The following THSD7B variants were observed in gnomAD, a reference collection of about 807,000 sequenced individuals.
The protein encoded by THSD7B is thrombospondin type-1 domain-containing protein 7B.
In THSD7B, 138 loss-of-function variants were observed where a neutral mutation model predicts 213.6. The observed-to-expected ratio is 0.65, with a 90% confidence interval of 0.56 to 0.74. The LOEUF is 0.74. Ranked by LOEUF, THSD7B falls within the 30% of genes least tolerant of loss-of-function variation. THSD7B has a pLI of 0.00. For missense variants in THSD7B, 1,931 were observed against 1,991.5 expected (o/e 0.97, Z 0.58); for synonymous variants, 742 against 687.0 (o/e 1.08, Z -1.25).
chr2:137,581,784 A>T lies in THSD7B; in HGVS notation c.3423+9228A>T, dbSNP rs1033925996. On this transcript the variant is annotated intron_variant, in intron 17 of 27. Coordinates refer to ENST00000409968, the MANE Select transcript of THSD7B (RefSeq NM_001316349.2). ...CAAAAAAAAAAATAAAAAAAAAAAA[A>T]ATAATAATAAATAATAATAATAAAT... Among the ~76,000 whole-genome samples, 457 of 147,346 alleles carry T rather than the reference A, an allele frequency of 3.1e-3. 5 individuals carry two copies. Among genetic ancestry groups the T allele is most frequent in the East Asian group, 0.013 (64 of 5,120 alleles).
chr2:137,545,399 C>T (rs1055753288), intron 15 of THSD7B, among the ~76,000 whole-genome samples: 1 of 151,792 alleles, frequency 6.6e-6, no homozygotes, highest in Non-Finnish European at 1.5e-5. Context: ...TTTCTCACAG[C>T]TTCCTTAATA....
chr2:137,458,243 T>G (rs1040756316), intron 15 of THSD7B, among the ~76,000 whole-genome samples: 30 of 152,272 alleles, frequency 2.0e-4, no homozygotes, highest in African/African-American at 7.2e-4. Flanking sequence ...CGGGAAACAC[T>G]CTCACAATAA....
At chr2:137,082,901 A>G (rs548401515) in intron 3 of THSD7B, among the ~76,000 whole-genome samples, 1 of 152,248 alleles carries the variant, frequency 6.6e-6, no homozygotes, top group East Asian at 1.9e-4. Context: ...TCATTTTGAT[A>G]TAACATCACA....
intron 20 of THSD7B, among the ~76,000 whole-genome samples, chr2:137,622,535 C>T (rs111405191): frequency 0.07 from 10,711 of 151,992 alleles, 864 homozygotes; most frequent in African/African-American, 0.2. Context: ...TCAATGAATC[C>T]AGGAGCTTGT....
At chr2:137,551,483 A>G (rs1680847194) in intron 15 of THSD7B, among the ~76,000 whole-genome samples, 1 of 152,102 alleles carries the variant, frequency 6.6e-6, no homozygotes, top group Non-Finnish European at 1.5e-5. Flanking sequence ...AGGATGTGAA[A>G]TGTTCATGGG....
intron 7 of THSD7B, among the ~76,000 whole-genome samples, chr2:137,207,633 G>A (rs944065300): frequency 6.6e-6 from 1 of 152,028 alleles, no homozygotes; most frequent in Non-Finnish European, 1.5e-5. Flanking sequence ...TCATAATATG[G>A]CTAAGAGATG....
intron 15 of THSD7B, among the ~76,000 whole-genome samples, chr2:137,520,324 A>G (rs1164310942): frequency 1.3e-5 from 2 of 152,204 alleles, no homozygotes; most frequent in African/African-American, 2.4e-5. Context: ...GATGATGACA[A>G]TTTGTATAAC....
intron 15 of THSD7B, among the ~76,000 whole-genome samples, chr2:137,546,947 A>C (rs1345916846): frequency 6.6e-6 from 1 of 151,956 alleles, no homozygotes; most frequent in East Asian, 1.9e-4. Flanking sequence ...TTCTTCAGCA[A>C]TCATCTGTTT....
intron 5 of THSD7B, among the ~76,000 whole-genome samples, chr2:137,120,168 C>T (rs1688522477): frequency 6.6e-6 from 1 of 152,114 alleles, no homozygotes; most frequent in South Asian, 2.1e-4. Context: ...TATTTGATGA[C>T]AGTTCACATG....
At chr2:137,675,229 T>A (rs943278369) in intron 27 of THSD7B, among the ~76,000 whole-genome samples, 16 of 151,934 alleles carry the variant, frequency 1.1e-4, no homozygotes, top group African/African-American at 3.9e-4. Flanking sequence ...TTTGGCACGA[T>A]GAAAATGTTC....
At chr2:137,453,704 A>G (rs919946487) in intron 15 of THSD7B, among the ~76,000 whole-genome samples, 1 of 152,116 alleles carries the variant, frequency 6.6e-6, no homozygotes, top group Middle Eastern at 3.2e-3. Flanking sequence ...TATGCAATAT[A>G]TCTCAATTGA....
chr2:136,792,562 A>G (rs1040673036), intron 1 of THSD7B, among the ~76,000 whole-genome samples: 7 of 152,008 alleles, frequency 4.6e-5, no homozygotes, highest in Admixed American at 1.3e-4. Context: ...GATTGTGACA[A>G]ATGTACCACT....
At chr2:137,050,525 G>C (rs936644967) in intron 2 of THSD7B, among the ~76,000 whole-genome samples, 2 of 152,190 alleles carry the variant, frequency 1.3e-5, no homozygotes, top group African/African-American at 4.8e-5. Context: ...GAAAGAGCTG[G>C]GAACATTAGC....
At chr2:137,074,156 C>T (rs1009830872) in intron 3 of THSD7B, among the ~76,000 whole-genome samples, 4 of 151,268 alleles carry the variant, frequency 2.6e-5, no homozygotes, top group South Asian at 2.1e-4. Context: ...CTTTCTGTCT[C>T]GTTGATCTGT....
intron 13 of THSD7B, among the ~76,000 whole-genome samples, chr2:137,407,326 C>A (rs1278131929): frequency 6.6e-6 from 1 of 151,894 alleles, no homozygotes; most frequent in Non-Finnish European, 1.5e-5. Context: ...TTTGAAATTT[C>A]TTTTCTAAAT....
chr2:137,581,780 A>T (rs568533220), intron 17 of THSD7B, among the ~76,000 whole-genome samples: 3,005 of 147,956 alleles, frequency 0.02, 48 homozygotes, highest in Middle Eastern at 0.073. Flanking sequence ...ATAAAAAAAA[A>T]AAAAATAATA....
intron 1 of THSD7B, among the ~76,000 whole-genome samples, chr2:136,775,156 A>G (rs966525845): frequency 3.3e-5 from 5 of 152,130 alleles, no homozygotes; most frequent in Admixed American, 3.3e-4. Context: ...AAAGCACAGA[A>G]GGCATCTTAC....
intron 5 of THSD7B, among the ~76,000 whole-genome samples, chr2:137,122,019 A>T (rs1688554975): frequency 2.0e-5 from 3 of 152,140 alleles, no homozygotes; most frequent in African/African-American, 4.8e-5. Flanking sequence ...GTGGGGAAAG[A>T]TTGGGAAGGA....
At chr2:137,033,209 G>A (rs1686707902) in intron 2 of THSD7B, among the ~76,000 whole-genome samples, 1 of 152,180 alleles carries the variant, frequency 6.6e-6, no homozygotes, top group Admixed American at 6.5e-5. Context: ...GCTAGACCTA[G>A]CTGTTCTAGG....
Sources: gnomAD v4.1 joint callset for allele counts (sites outside exome capture counted in the v4.1 genomes callset) on GRCh38, gnomAD v4.1.1 for gene constraint, MANE v1.5 for transcripts, NCBI Gene and HGNC (gene_info 2026-07-23, HGNC 2026-07-21) for gene names.